The following CFAP418 variants were observed in gnomAD, a reference collection of about 807,000 sequenced individuals.
The protein encoded by CFAP418 is cilia- and flagella-associated protein 418.
In CFAP418, 27 loss-of-function variants were observed where a neutral mutation model predicts 24.7. The observed-to-expected ratio is 1.09, with a 90% CI of 0.81 to 1.51. The LOEUF (loss-of-function observed/expected upper bound fraction) is 1.51, where lower values mean the gene tolerates loss of function less well. CFAP418 is among the 40% of genes most tolerant of loss of function. The pLI is 0.00. For synonymous variants in CFAP418, 74 were observed against 87.3 expected (o/e 0.85, Z 0.85); for missense variants, 257 against 255.2 (o/e 1.01, Z -0.05).
At chr8:95,259,735 C>A in intron 4 of CFAP418, 105 bp downstream of exon 4, 3 of 824,092 alleles carry the variant, frequency 3.6e-6, no homozygotes. Flanking sequence ...AAATACCTCT[C>A]CTTATAAAAC....
intron 3 of CFAP418, 114 bp downstream of exon 3, chr8:95,260,354 C>A: frequency 1.3e-6 from 1 of 747,298 alleles, no homozygotes; most frequent in South Asian, 1.9e-5. Flanking sequence ...GAAGGCCAAC[C>A]AATGCTTTGT....
intron 4 of CFAP418, among the ~76,000 whole-genome samples, chr8:95,254,161 AGTT>A (rs1811751670): frequency 6.6e-6 from 1 of 152,220 alleles, no homozygotes; most frequent in African/African-American, 2.4e-5. Flanking sequence ...CAGTCTTGCA[AGTT>A]GTTTAAAAAA....
At chr8:95,249,032 G>A (rs1811669534) in intron 5 of CFAP418, among the ~76,000 whole-genome samples, 1 of 152,098 alleles carries the variant, frequency 6.6e-6, no homozygotes, top group Non-Finnish European at 1.5e-5. Context: ...TTAGCTAAGG[G>A]AAGAAATGAA....
chr8:95,247,509 C>T lies in CFAP418; in HGVS notation c.*108G>A. 7.6e-7 allele frequency: 1 copy of T among 1,317,520 alleles called. No individual in the cohort carries two copies. The highest frequency in any genetic ancestry group is 1.1e-6 in the Non-Finnish European group (1 of 938,066). The allele number at this position is 1,317,520 out of a possible 1,614,324, so 81.6% of individuals were successfully genotyped here. On this transcript the variant is annotated 3_prime_UTR_variant, in exon 6 of 6. Transcript: ENST00000286688. ...GTAGTTGTATCAATAAAATTCACTG[C>T]CTTTTCCCACAGGGAATGGTATTGC...
chr8:95,263,823 G>A, intron 1 of CFAP418, 49 bp from the exon 2 acceptor site: 1 of 1,054,138 alleles, frequency 9.5e-7, no homozygotes, highest in Non-Finnish European at 1.5e-6. Context: ...TTTATGAGCA[G>A]AGAAAGCTAG....
At chr8:95,253,592 G>GAGAATAAA (rs1811742166) in intron 4 of CFAP418, among the ~76,000 whole-genome samples, 21 of 152,032 alleles carry the variant, frequency 1.4e-4, no homozygotes, top group Admixed American at 9.8e-4. Context: ...TAAATGCTTT[G>GAGAATAAA]TATTTCTAAA....
chr8:95,256,709 T>C (rs567363557), intron 4 of CFAP418, among the ~76,000 whole-genome samples: 2 of 152,334 alleles, frequency 1.3e-5, no homozygotes, highest in East Asian at 3.9e-4. Context: ...TCAATGGATT[T>C]AAAAAATCGA....
chr8:95,262,662 T>G (rs1811912026), intron 2 of CFAP418, among the ~76,000 whole-genome samples: 1 of 152,212 alleles, frequency 6.6e-6, no homozygotes, highest in Non-Finnish European at 1.5e-5. Context: ...AAAGTCACTT[T>G]GGAAAACAAT....
At chr8:95,255,401 A>G (rs529035118) in intron 4 of CFAP418, among the ~76,000 whole-genome samples, 6 of 151,908 alleles carry the variant, frequency 3.9e-5, no homozygotes, top group Non-Finnish European at 8.8e-5. Flanking sequence ...TCCAATGGTC[A>G]CCTCTCTTTG....
At chr8:95,249,253 T>G (rs1428376595) in intron 5 of CFAP418, among the ~76,000 whole-genome samples, 1 of 152,218 alleles carries the variant, frequency 6.6e-6, no homozygotes, top group Non-Finnish European at 1.5e-5. Context: ...CTTAAAAGCT[T>G]AGGGAAAAAT....
chr8:95,248,856 C>T (rs969054530), intron 5 of CFAP418, among the ~76,000 whole-genome samples: 1 of 152,128 alleles, frequency 6.6e-6, no homozygotes, highest in African/African-American at 2.4e-5. Flanking sequence ...ATCACTGCAA[C>T]AGAAGGCAGG....
chr8:95,268,206 G>C (rs1461788640), intron 1 of CFAP418, among the ~76,000 whole-genome samples: 1 of 152,172 alleles, frequency 6.6e-6, no homozygotes, highest in Non-Finnish European at 1.5e-5. Context: ...TAGCAGTTAG[G>C]GGAGGCAGAG....
chr8:95,254,996 T>C (rs954420699), intron 4 of CFAP418, among the ~76,000 whole-genome samples: 3 of 152,184 alleles, frequency 2.0e-5, no homozygotes, highest in African/African-American at 7.2e-5. Context: ...AATTTGACCT[T>C]TTCCCTATAG....
Position 95,269,176 on chromosome 8 carries a change from AG to A in CFAP418, c.13del (p.Leu5TrpfsTer18). 1 of 1,614,150 alleles carries A rather than the reference AG, an allele frequency of 6.2e-7. No individual in the cohort carries two copies. Among genetic ancestry groups the A allele is most frequent in the Non-Finnish European group, 8.5e-7 (1 of 1,179,976 alleles). MAED[L>X]DELLDEVESK... ...CTCGACTTCATCCAAGAGCTCGTCCAGGTCCTCCGCCATCTTGAATCGCCTG... is the reference window on the plus strand; with the variant it reads ...CTCGACTTCATCCAAGAGCTCGTCCAGTCCTCCGCCATCTTGAATCGCCTG... On this transcript the variant is annotated frameshift_variant, in exon 1 of 6. Coordinates refer to ENST00000286688, the MANE Select transcript of CFAP418 (RefSeq NM_177965.4). LOFTEE classifies it high-confidence loss of function.
At chr8:95,259,030 T>C (rs1811843541) in intron 4 of CFAP418, among the ~76,000 whole-genome samples, 1 of 152,234 alleles carries the variant, frequency 6.6e-6, no homozygotes, top group Non-Finnish European at 1.5e-5. Flanking sequence ...TTGGTGACAC[T>C]TGACTATACA....
intron 1 of CFAP418, 148 bp downstream of exon 1, chr8:95,268,887 G>A: frequency 1.2e-6 from 1 of 816,732 alleles, no homozygotes; most frequent in Non-Finnish European, 1.9e-6. Context: ...CGCTGCCGCG[G>A]AGGGTAGGGC....
chr8:95,263,867 G>C (rs1375011110), intron 1 of CFAP418, 93 bp from the exon 2 acceptor site: 2 of 687,480 alleles, frequency 2.9e-6, no homozygotes, highest in Non-Finnish European at 5.1e-6. Context: ...TCCATTATTA[G>C]AGCTGATAAT....
At chr8:95,268,448 C>T (rs907849406) in intron 1 of CFAP418, among the ~76,000 whole-genome samples, 5 of 152,066 alleles carry the variant, frequency 3.3e-5, no homozygotes, top group Non-Finnish European at 5.9e-5. Flanking sequence ...GCACTCCAAC[C>T]TGGGCGACAG....
Position 95,245,680 on chromosome 8 carries a change from A to T in CFAP418, c.*1937T>A, listed in dbSNP as rs944505429. On this transcript the variant is annotated 3_prime_UTR_variant, in exon 6 of 6. Transcript: ENST00000286688. Reference sequence around the variant, plus strand: ...CTTGAAGCTGCGAGGCGGAGGTTGCAGTGAGCAGAGATCGTGCCACTGCAC... The same window carrying T: ...CTTGAAGCTGCGAGGCGGAGGTTGCTGTGAGCAGAGATCGTGCCACTGCAC... 6.6e-6 allele frequency: 1 copy of T among 152,252 alleles called. No homozygotes were observed. Among genetic ancestry groups the T allele is most frequent in the Non-Finnish European group, 1.5e-5 (1 of 68,066 alleles). The allele number at this position is 152,252 out of a possible 1,614,324, so 9.4% of individuals were successfully genotyped here.
Sources: allele counts gnomAD v4.1 joint callset (sites outside exome capture counted in the v4.1 genomes callset), GRCh38; gene constraint gnomAD v4.1.1; transcripts MANE v1.5; gene names NCBI Gene and HGNC (gene_info 2026-07-23, HGNC 2026-07-21).